LRRC4C: variants seen among roughly 807,000 people sequenced by gnomAD.
The protein encoded by LRRC4C is leucine-rich repeat-containing protein 4C.
Under a neutral mutation model 33.6 loss-of-function variants are expected in LRRC4C, and 5 were observed. The observed-to-expected ratio is 0.15, with a 90% CI of 0.08 to 0.31. LRRC4C has a LOEUF of 0.31. LRRC4C is among the 10% of genes least tolerant of loss of function. The probability of loss-of-function intolerance (pLI) is 1.00; values close to 1 mark genes in which losing one functional copy is unlikely to be tolerated. For missense variants in LRRC4C, 560 were observed against 796.7 expected (o/e 0.70, Z 3.58); for synonymous variants, 329 against 302.0 (o/e 1.09, Z -0.93).
At chr11:40,285,408 A>AG (rs1358946526) in intron 4 of LRRC4C, among the ~76,000 whole-genome samples, 1 of 152,220 alleles carries the variant, frequency 6.6e-6, no homozygotes, top group Admixed American at 6.5e-5. Context: ...AAACACAAGA[A>AG]GGACTAACAT....
At chr11:40,557,006 T>G (rs539275536) in intron 3 of LRRC4C, among the ~76,000 whole-genome samples, 1 of 152,000 alleles carries the variant, frequency 6.6e-6, no homozygotes, top group African/African-American at 2.4e-5. Flanking sequence ...GTTTTTTCCA[T>G]CTGTAAAAAC....
chr11:40,977,860 C>G (rs563839219), intron 1 of LRRC4C, among the ~76,000 whole-genome samples: 2 of 152,286 alleles, frequency 1.3e-5, no homozygotes, highest in South Asian at 4.1e-4. Flanking sequence ...GTCAGAATGT[C>G]TTGGGATTCT....
chr11:41,089,575 G>A (rs768568239), intron 1 of LRRC4C, among the ~76,000 whole-genome samples: 12 of 151,598 alleles, frequency 7.9e-5, no homozygotes, highest in Non-Finnish European at 1.8e-4. Context: ...AGGTCAGATT[G>A]CTAAATCTAT....
chr11:40,591,202 C>T (rs1000010453), intron 3 of LRRC4C, among the ~76,000 whole-genome samples: 3 of 152,132 alleles, frequency 2.0e-5, no homozygotes, highest in Non-Finnish European at 2.9e-5. Context: ...TTAAGCCCGT[C>T]GGAAAAGCGC....
chr11:40,413,242 A>G (rs1183706611), intron 3 of LRRC4C, among the ~76,000 whole-genome samples: 1 of 152,090 alleles, frequency 6.6e-6, no homozygotes, highest in African/African-American at 2.4e-5. Context: ...CAGGAAGAAG[A>G]GGAAGCTCCA....
chr11:40,206,388 A>C (rs1406097925), intron 5 of LRRC4C, among the ~76,000 whole-genome samples: 1 of 148,020 alleles, frequency 6.8e-6, no homozygotes, highest in South Asian at 2.2e-4. Flanking sequence ...GGCACCTGCC[A>C]TCATGCCCAG....
At chr11:41,415,485 A>G (rs1012147568) in intron 1 of LRRC4C, among the ~76,000 whole-genome samples, 1 of 152,160 alleles carries the variant, frequency 6.6e-6, no homozygotes, top group South Asian at 2.1e-4. Flanking sequence ...CTAATTCACT[A>G]TGTGACTTGG....
intron 2 of LRRC4C, among the ~76,000 whole-genome samples, chr11:40,916,095 G>A (rs1307027909): frequency 6.6e-6 from 1 of 152,180 alleles, no homozygotes; most frequent in African/African-American, 2.4e-5. Context: ...TTACACTGTT[G>A]GTGGGACTGC....
intron 6 of LRRC4C, 65 bp from the exon 7 acceptor site, chr11:40,116,399 T>C (rs923691982): frequency 8.7e-5 from 128 of 1,472,330 alleles, no homozygotes; most frequent in Non-Finnish European, 1.7e-5. Flanking sequence ...CTTTCTGGAG[T>C]AATGTCGGTG....
At position 40,585,632 on chromosome 11, in the gene LRRC4C, C is replaced by T. The variant is rs1958694654; in HGVS notation, c.-270+62510G>A. The stretch of plus-strand genomic sequence containing the variant: ...TGGTATCCCTCCCCCCTCCCCCCAC[C>T]CCACAACAGTCCCCAGAGTGTGATG... On this transcript the variant is annotated intron_variant, in intron 3 of 6. Coordinates refer to ENST00000528697, the MANE Select transcript of LRRC4C (RefSeq NM_001258419.2). Among the ~76,000 whole-genome samples, 3 of 117,766 alleles carry T rather than the reference C, an allele frequency of 2.5e-5. No individual in the cohort carries two copies. In the Admixed American group the frequency reaches 2.9e-4, roughly 11 times the overall value. The allele number at this position is 117,766 out of a possible 152,430, so 77.3% of individuals were successfully genotyped here.
intron 3 of LRRC4C, among the ~76,000 whole-genome samples, chr11:40,430,228 A>T (rs1457086690): frequency 7.0e-6 from 1 of 142,100 alleles, no homozygotes; most frequent in African/African-American, 2.6e-5. Flanking sequence ...GGGGGCACTG[A>T]TAAGGAATCT....
At chr11:41,126,868 A>G (rs1942768794) in intron 1 of LRRC4C, among the ~76,000 whole-genome samples, 1 of 152,098 alleles carries the variant, frequency 6.6e-6, no homozygotes, top group Non-Finnish European at 1.5e-5. Flanking sequence ...AGATGAATGT[A>G]ATTCCATGAG....
At chr11:40,220,850 A>G (rs1244680932) in intron 5 of LRRC4C, among the ~76,000 whole-genome samples, 3 of 149,262 alleles carry the variant, frequency 2.0e-5, no homozygotes, top group African/African-American at 7.3e-5. Context: ...ATTTTTTTTC[A>G]GCCTATTTCC....
At chr11:41,107,799 G>C (rs112515540) in intron 1 of LRRC4C, among the ~76,000 whole-genome samples, 4,104 of 152,114 alleles carry the variant, frequency 0.027, 71 homozygotes, top group Middle Eastern at 0.068. Context: ...TTAGCCATGT[G>C]TGTTGATGGC....
chr11:40,287,885 T>A (rs1590917142), intron 4 of LRRC4C, among the ~76,000 whole-genome samples: 1 of 152,222 alleles, frequency 6.6e-6, no homozygotes, highest in East Asian at 1.9e-4. Flanking sequence ...TATTTATATG[T>A]TACTCCAACC....
rs143371171 is a variant in LRRC4C, at chr11:40,114,561, C to T, written c.1732G>A (p.Asp578Asn). Residue 578 changes from aspartate to asparagine, a missense_variant, in exon 7 of 7, where the codon GAC becomes AAC. Physicochemically the swap from Asp to Asn is conservative, Grantham distance 23. Around this residue, in one of 3 missense-constraint regions of LRRC4C, gnomAD observed 103 missense variants for 132.1 expected, o/e 0.78. Transcript: ENST00000528697. ...GGCAGGTGGCTTTCCATGGGTGTGTCTCCCGTAATCTCATCATCCACATTA... is the reference window on the plus strand; with the variant it reads ...GGCAGGTGGCTTTCCATGGGTGTGTTTCCCGTAATCTCATCATCCACATTA... ...IINVDDEITGDTPMESHLPMP... is the reference protein window; with the variant it reads ...IINVDDEITGNTPMESHLPMP... 1.1e-4 allele frequency: 171 copies of T among 1,613,990 alleles called. 6 individuals carry two copies. The highest frequency in any genetic ancestry group is 9.6e-4 in the East Asian group (43 of 44,874).
chr11:41,052,199 A>G (rs1858280398), intron 1 of LRRC4C, among the ~76,000 whole-genome samples: 1 of 152,196 alleles, frequency 6.6e-6, no homozygotes, highest in African/African-American at 2.4e-5. Flanking sequence ...GAAGAAGGAT[A>G]GGGAACAAAT....
At position 41,436,274 on chromosome 11, in the gene LRRC4C, C is replaced by G. The variant is rs550727991; in HGVS notation, c.-496+23157G>C. Among the ~76,000 whole-genome samples the G allele has an allele frequency of 5.9e-4, 90 of 152,314 alleles. 1 individual carries two copies. The highest frequency in any genetic ancestry group is 2.1e-3 in the African/African-American group (87 of 41,568). On this transcript the variant is annotated intron_variant, in intron 1 of 6. Coordinates refer to ENST00000528697, the MANE Select transcript of LRRC4C (RefSeq NM_001258419.2). ...ACTGAATACATAGTAATTAGTAATA[C>G]TTTGCTTTTTGAATATATATTAGAT...
chr11:40,464,283 G>A (rs1267132416), intron 3 of LRRC4C, among the ~76,000 whole-genome samples: 8 of 151,900 alleles, frequency 5.3e-5, no homozygotes, highest in Admixed American at 5.3e-4. Flanking sequence ...AGCATCAATT[G>A]CTGAGAAAAA....
Sources: allele counts gnomAD v4.1 joint callset (sites outside exome capture counted in the v4.1 genomes callset), GRCh38; gene constraint gnomAD v4.1.1; regional missense constraint gnomAD v4.1.1; transcripts MANE v1.5; gene names NCBI Gene and HGNC (gene_info 2026-07-23, HGNC 2026-07-21).